The following PCMTD2 variants were observed in gnomAD, a reference collection of about 807,000 sequenced individuals.
PCMTD2 encodes protein-L-isoaspartate (D-aspartate) O-methyltransferase domain containing 2, also known as protein-L-isoaspartate O-methyltransferase domain-containing protein 2.
Under a neutral mutation model 33.4 loss-of-function variants are expected in PCMTD2, and 16 were observed. The ratio of observed to expected loss-of-function variants is 0.48; its 90% CI spans 0.32 to 0.73. The LOEUF (loss-of-function observed/expected upper bound fraction) is 0.73. Among genes scored for constraint, PCMTD2 ranks in the 30% least tolerant of loss-of-function variants. PCMTD2 has a pLI of 0.03. For synonymous variants in PCMTD2, 161 were observed against 160.8 expected, an observed-to-expected ratio of 1.00 and a Z score of -0.01; for missense variants, 374 against 449.9, an observed-to-expected ratio of 0.83 and a Z score of 1.53.
chr20:64,267,108 G>A (rs984894937), intron 4 of PCMTD2, among the ~76,000 whole-genome samples: 2 of 152,220 alleles, frequency 1.3e-5, no homozygotes, highest in Non-Finnish European at 2.9e-5. Flanking sequence ...TAGCATGAAA[G>A]AACTGACCAG....
intron 4 of PCMTD2, chr20:64,265,638 G>C: frequency 2.4e-6 from 1 of 410,390 alleles, no homozygotes; most frequent in Non-Finnish European, 4.3e-6. Flanking sequence ...GCCTGCACGT[G>C]AAACGCTTTT....
intron 5 of PCMTD2, 72 bp downstream of exon 5, chr20:64,268,082 A>G: frequency 7.7e-7 from 1 of 1,296,038 alleles, no homozygotes. Flanking sequence ...AAAGGAAACA[A>G]AATTTACAAC....
At position 64,270,964 on chromosome 20, in the gene PCMTD2, C is replaced by T. The variant is rs79310451; in HGVS notation, c.707-2257C>T. 7.1e-3 allele frequency among the ~76,000 whole-genome samples: 3 copies of T among 422 alleles called. 1 individual carries two copies. Among genetic ancestry groups the T allele is most frequent in the African/African-American group, 0.033 (3 of 90 alleles). The allele number at this position is 422 out of a possible 152,430, so 0.3% of individuals were successfully genotyped here. On this transcript the variant is annotated intron_variant, in intron 5 of 5. Coordinates refer to ENST00000308824, the MANE Select transcript of PCMTD2 (RefSeq NM_018257.3). The stretch of plus-strand genomic sequence containing the variant: ...GGTACAGTCCTTCTGAGGAAGGGCA[C>T]GTGAGGTGTTCGTTGTGATACGTAC...
chr20:64,276,098 C>T lies in PCMTD2; in HGVS notation c.*2498C>T, dbSNP rs1414941588. On this transcript the variant is annotated 3_prime_UTR_variant, in exon 6 of 6. Coordinates refer to ENST00000308824, the MANE Select transcript of PCMTD2 (RefSeq NM_018257.3). ...TCTTTTCAAAATCTTAAGAAAAGAACCTTTTTTCTTTATTAACATCATGTG... is the reference window on the plus strand; with the variant it reads ...TCTTTTCAAAATCTTAAGAAAAGAATCTTTTTTCTTTATTAACATCATGTG... 4 of 152,070 alleles carry T rather than the reference C, an allele frequency of 2.6e-5. No homozygotes were observed. The highest frequency in any genetic ancestry group is 5.9e-5 in the Non-Finnish European group (4 of 67,996). 9.4% of individuals were successfully genotyped at this position (152,070 alleles called of 1,614,324 possible).
rs1442840961 is a variant in PCMTD2 at position 64,273,509 on chromosome 20, AC to A, written c.1001del (p.Pro334GlnfsTer2). ...EEKTPPETKP[D>X]PPVNFLRQKV... ...AAGACCCCGCCGGAAACAAAGCCAGACCCCCCAGTGAACTTCCTACGCCAGA... is the reference window on the plus strand; with the variant it reads ...AAGACCCCGCCGGAAACAAAGCCAGACCCCCAGTGAACTTCCTACGCCAGA... On this transcript the variant is annotated frameshift_variant, in exon 6 of 6. Coordinates refer to ENST00000308824, the MANE Select transcript of PCMTD2 (RefSeq NM_018257.3). LOFTEE classifies it high-confidence loss of function. The A allele has an allele frequency of 6.2e-7, 1 of 1,601,178 alleles. No individual in the cohort carries two copies. Among genetic ancestry groups the A allele is most frequent in the Admixed American group, 1.7e-5 (1 of 57,376 alleles).
intron 1 of PCMTD2, among the ~76,000 whole-genome samples, chr20:64,258,200 A>C (rs748896491): frequency 6.6e-6 from 1 of 152,186 alleles, no homozygotes; most frequent in East Asian, 1.9e-4. Context: ...ATCCAAACAC[A>C]TGATTCCGCT....
intron 5 of PCMTD2, 140 bp downstream of exon 5, chr20:64,268,150 C>CCTTTCTGACTTTGCT: frequency 1.7e-6 from 1 of 574,096 alleles, no homozygotes; most frequent in Admixed American, 3.2e-5. Context: ...ATTCTACAAG[C>CCTTTCTGACTTTGCT]AATTTCAGGC....
rs763358579 is a variant in PCMTD2 at position 64,260,229 on chromosome 20, C to T, written c.264C>T (p.Gly88=). The change falls in exon 2 of 6, where the codon GGC becomes GGT. Residue 88 remains glycine, a synonymous_variant. Transcript: ENST00000308824. ...LQPGLSFLNL[G]SGTGYLSSMV... Reference sequence around the variant, plus strand: ...CTGGACTCTCGTTTCTGAACCTGGGCAGTGGCACTGGGTATCTCAGCTCCA... The same window carrying T: ...CTGGACTCTCGTTTCTGAACCTGGGTAGTGGCACTGGGTATCTCAGCTCCA... 3 of 1,613,774 alleles carry T rather than the reference C, an allele frequency of 1.9e-6. No homozygotes were observed. The highest frequency in any genetic ancestry group is 2.5e-6 in the Non-Finnish European group (3 of 1,179,644).
chr20:64,273,813 A>G lies in PCMTD2; in HGVS notation c.*213A>G, dbSNP rs1247071318. 4.7e-6 allele frequency: 2 copies of G among 425,050 alleles called. No homozygotes were observed. The highest frequency in any genetic ancestry group is 8.3e-6 in the Non-Finnish European group (2 of 241,620). The allele number at this position is 425,050 out of a possible 1,614,324, so 26.3% of individuals were successfully genotyped here. A position where few individuals can be genotyped will look rare whatever the true frequency, so the allele number is the denominator to read the frequency against. ...GTTTACATAGTTCCACAAGACCTTC[A>G]TTGCATAGAAGATTGTTTTCCCAAA... On this transcript the variant is annotated 3_prime_UTR_variant, in exon 6 of 6. Transcript: ENST00000308824.
chr20:64,259,243 T>G (rs1985292011), intron 1 of PCMTD2, among the ~76,000 whole-genome samples: 1 of 152,164 alleles, frequency 6.6e-6, no homozygotes, highest in Non-Finnish European at 1.5e-5. Context: ...TCTTGCTGTT[T>G]TTGTCTAAAA....
At chr20:64,270,147 G>GTGAA in intron 5 of PCMTD2, among the ~76,000 whole-genome samples, 1 of 147,062 alleles carries the variant, frequency 6.8e-6, no homozygotes, top group Non-Finnish European at 1.5e-5. Context: ...GGGGTCGTCA[G>GTGAA]TGCGGGCATG....
chr20:64,266,962 A>G (rs1472952942), intron 4 of PCMTD2, among the ~76,000 whole-genome samples: 4 of 152,252 alleles, frequency 2.6e-5, no homozygotes, highest in Non-Finnish European at 5.9e-5. Context: ...TTTTGCTGGT[A>G]TACAAGAATG....
Position 64,260,119 on chromosome 20 carries a change from A to G in PCMTD2, c.154A>G (p.Lys52Glu), listed in dbSNP as rs773496785. 1 of 1,613,850 alleles carries G rather than the reference A, an allele frequency of 6.2e-7. No homozygotes were observed. Among genetic ancestry groups the G allele is most frequent in the Admixed American group, 1.7e-5 (1 of 60,012 alleles). The change falls in exon 2 of 6, where the codon AAA becomes GAA. Residue 52 changes from lysine to glutamate, a missense_variant. Physicochemically the swap from Lys to Glu is moderately conservative, Grantham distance 56. Transcript: ENST00000308824. ...YLEEFKENAY[K>E]DLAWKHGNIH... is the part of the protein sequence containing the mutation. ...TGAAGAATTTAAAGAAAATGCTTAT[A>G]AAGACTTGGCATGGAAGCATGGAAA... is the stretch of plus-strand genomic sequence containing the variant.
intron 1 of PCMTD2, among the ~76,000 whole-genome samples, chr20:64,257,441 C>T (rs930597883): frequency 6.6e-6 from 1 of 152,184 alleles, no homozygotes; most frequent in African/African-American, 2.4e-5. Context: ...ACAGTATCAT[C>T]GAGTGCAGCG....
Position 64,264,502 on chromosome 20 carries a change from C to G in PCMTD2, c.381C>G (p.Phe127Leu). The change falls in exon 3 of 6, where the codon TTC (phenylalanine) becomes TTG (leucine). Residue 127 changes from phenylalanine (F) to leucine (L), a missense_variant. Phe to Leu is a conservative substitution (Grantham distance 22). Coordinates refer to ENST00000308824, the MANE Select transcript of PCMTD2 (RefSeq NM_018257.3). ...AGTATGCAAAGCAGAAACTGGACTT[C>G]TTCATCAGAACAAGTGATAGTTTTG... ...VIEYAKQKLD[F>L]FIRTSDSFDK... 6.3e-7 allele frequency: 1 copy of G among 1,588,978 alleles called. No homozygotes were observed. Among genetic ancestry groups the G allele is most frequent in the Non-Finnish European group, 8.6e-7 (1 of 1,157,202 alleles).
chr20:64,273,265 A>G lies in PCMTD2; in HGVS notation c.751A>G (p.Ile251Val). 6.2e-7 allele frequency: 1 copy of G among 1,614,104 alleles called. No homozygotes were observed. Among genetic ancestry groups the G allele is most frequent in the Non-Finnish European group, 8.5e-7 (1 of 1,179,970 alleles). Residue 251 changes from isoleucine (I) to valine (V), a missense_variant, in exon 6 of 6, where the codon ATC (isoleucine) becomes GTC (valine). Coordinates refer to ENST00000308824, the MANE Select transcript of PCMTD2 (RefSeq NM_018257.3). ...CCTCCAGGACTTGGCTCGCATCGCC[A>G]TCCGGGGCACCATTAAAAAGATTAT... ...RSLQDLARIA[I>V]RGTIKKIIHQ...
chr20:64,258,294 T>C (rs1329455985), intron 1 of PCMTD2, among the ~76,000 whole-genome samples: 1 of 152,220 alleles, frequency 6.6e-6, no homozygotes, highest in Non-Finnish European at 1.5e-5. Context: ...AGGATTAAAG[T>C]TGACCTCATT....
At chr20:64,272,015 T>G in intron 5 of PCMTD2, 1 of 348,580 alleles carries the variant, frequency 2.9e-6, no homozygotes. Flanking sequence ...GATCGTGGTG[T>G]TGAGTGAAGA....
At chr20:64,255,969 AC>A (rs1985139054) in intron 1 of PCMTD2, 99 bp downstream of exon 1, 1 of 135,488 alleles carries the variant, frequency 7.4e-6, no homozygotes, top group Non-Finnish European at 1.6e-5. Context: ...CACCCCCGGC[AC>A]CCCTGCGCCC....
Sources: gnomAD v4.1 joint callset for allele counts (sites outside exome capture counted in the v4.1 genomes callset) on GRCh38, gnomAD v4.1.1 for gene constraint, MANE v1.5 for transcripts, NCBI Gene and HGNC (gene_info 2026-07-23, HGNC 2026-07-21) for gene names.